ABI2: variants seen among roughly 807,000 people sequenced by gnomAD.
The protein encoded by ABI2 is abl interactor 2, also known as abelson interactor 2.
Under a neutral mutation model 59.2 loss-of-function variants are expected in ABI2, and 25 were observed. The observed-to-expected ratio is 0.42, with a 90% CI of 0.31 to 0.59. The LOEUF (loss-of-function observed/expected upper bound fraction) is 0.59. Ranked by LOEUF, ABI2 falls within the 20% of genes least tolerant of loss-of-function variation. The pLI, the probability that ABI2 is intolerant of heterozygous loss-of-function variation, is 0.14. For missense variants in ABI2, 545 were observed against 681.8 expected (o/e 0.80, Z 2.23); for synonymous variants, 213 against 235.5 (o/e 0.90, Z 0.87).
chr2:203,391,185 T>C (rs759150569), intron 5 of ABI2, 42 bp downstream of exon 5: 2 of 1,374,736 alleles, frequency 1.5e-6, no homozygotes, highest in Non-Finnish European at 2.0e-6. Flanking sequence ...TCATGTAGTA[T>C]TGTTTAAAAA....
chr2:203,348,312 C>T (rs1307532917), intron 1 of ABI2, among the ~76,000 whole-genome samples: 1 of 152,006 alleles, frequency 6.6e-6, no homozygotes, highest in Non-Finnish European at 1.5e-5. Flanking sequence ...TTGTTTATTC[C>T]TAGGGAGTAA....
At chr2:203,354,393 T>C (rs2090750351) in intron 1 of ABI2, among the ~76,000 whole-genome samples, 1 of 152,222 alleles carries the variant, frequency 6.6e-6, no homozygotes, top group South Asian at 2.1e-4. Context: ...TAATTCATTT[T>C]TTTGACTTGC....
chr2:203,331,872 C>T (rs989693184), intron 1 of ABI2, among the ~76,000 whole-genome samples: 2 of 147,790 alleles, frequency 1.4e-5, no homozygotes, highest in Non-Finnish European at 3.0e-5. Context: ...TGCAGTGGCG[C>T]GATCTCAGCT....
intron 11 of ABI2, among the ~76,000 whole-genome samples, chr2:203,419,528 C>T (rs2098099447): frequency 6.6e-6 from 1 of 151,774 alleles, no homozygotes; most frequent in Non-Finnish European, 1.5e-5. Flanking sequence ...GCCACCATGC[C>T]TGGGTAATTT....
intron 5 of ABI2, 115 bp downstream of exon 5, chr2:203,391,258 ATTG>A (rs1451227371): frequency 1.3e-5 from 9 of 715,372 alleles, no homozygotes; most frequent in African/African-American, 1.9e-5. Flanking sequence ...TCTTTGTAGG[ATTG>A]TTGTTTGTGT....
At chr2:203,420,733 C>G (rs1010052387) in intron 11 of ABI2, among the ~76,000 whole-genome samples, 2 of 152,144 alleles carry the variant, frequency 1.3e-5, no homozygotes, top group Non-Finnish European at 2.9e-5. Context: ...CTCTAAAAGT[C>G]AGCATGGATG....
chr2:203,330,336 T>C (rs2072272328), intron 1 of ABI2, among the ~76,000 whole-genome samples: 2 of 143,006 alleles, frequency 1.4e-5, no homozygotes, highest in South Asian at 4.4e-4. Context: ...CTGATACAAG[T>C]GGGGTAGAAA....
At chr2:203,365,527 T>C (rs190799382) in intron 1 of ABI2, among the ~76,000 whole-genome samples, 13 of 152,048 alleles carry the variant, frequency 8.5e-5, no homozygotes, top group Non-Finnish European at 1.5e-5. Flanking sequence ...CCTTGAGGTG[T>C]TGGTATTTTT....
At chr2:203,347,758 G>A (rs1297396954) in intron 1 of ABI2, among the ~76,000 whole-genome samples, 8 of 152,188 alleles carry the variant, frequency 5.3e-5, no homozygotes, top group Non-Finnish European at 1.2e-4. Context: ...GAAATTGTAG[G>A]TGCTTGTTTA....
At chr2:203,397,090 T>G in intron 8 of ABI2, 123 bp downstream of exon 8, 1 of 1,226,118 alleles carries the variant, frequency 8.2e-7, no homozygotes. Flanking sequence ...ATAAGAATAA[T>G]GTACTAACCA....
At chr2:203,384,314 T>TG (rs1559289737) in intron 4 of ABI2, among the ~76,000 whole-genome samples, 60 of 143,578 alleles carry the variant, frequency 4.2e-4, no homozygotes, top group African/African-American at 1.5e-3. Flanking sequence ...TTTTTTTTTT[T>TG]TTTTTTTTTT....
chr2:203,345,374 A>G lies in ABI2; in HGVS notation c.117+16743A>G, dbSNP rs1428969911. 8.5e-5 allele frequency among the ~76,000 whole-genome samples: 13 copies of G among 152,220 alleles called. No individual in the cohort carries two copies. The East Asian group carries it at 1.7e-3, about 20-fold the overall frequency. On this transcript the variant is annotated intron_variant, in intron 1 of 11. Transcript: ENST00000261018. ...ATCTGAAGGAACAAACTCCGGACAC[A>G]CCATCTTTAAGAACTGTAACATTCA...
chr2:203,390,886 T>C (rs1304285198), intron 4 of ABI2, among the ~76,000 whole-genome samples, 160 bp from the exon 5 acceptor site: 1 of 152,156 alleles, frequency 6.6e-6, no homozygotes, highest in African/African-American at 2.4e-5. Flanking sequence ...AACTGTAGAG[T>C]AATAGTAGAG....
intron 2 of ABI2, among the ~76,000 whole-genome samples, chr2:203,378,313 G>T (rs10221588): frequency 0.24 from 37,017 of 151,682 alleles, 4,725 homozygotes; most frequent in African/African-American, 0.31. Context: ...GGGTTTCACC[G>T]TGTTAGCCAG....
intron 1 of ABI2, among the ~76,000 whole-genome samples, chr2:203,330,508 C>A (rs1239489728): frequency 6.6e-6 from 1 of 151,618 alleles, no homozygotes; most frequent in African/African-American, 2.4e-5. Flanking sequence ...AGAGGCTGAT[C>A]TTGGAGGAAA....
At chr2:203,408,593 T>A (rs1296950681) in intron 9 of ABI2, among the ~76,000 whole-genome samples, 1 of 151,734 alleles carries the variant, frequency 6.6e-6, no homozygotes, top group Non-Finnish European at 1.5e-5. Flanking sequence ...GTTAAGCACC[T>A]AATCATTCTT....
chr2:203,410,293 A>T (rs1029447450), intron 9 of ABI2, among the ~76,000 whole-genome samples: 1 of 152,154 alleles, frequency 6.6e-6, no homozygotes, highest in Non-Finnish European at 1.5e-5. Context: ...TCATCTTTTT[A>T]GTTTTATTAG....
chr2:203,360,184 C>CAAAAAAA (rs58857922), intron 1 of ABI2, among the ~76,000 whole-genome samples: 2 of 70,904 alleles, frequency 2.8e-5, no homozygotes, highest in Non-Finnish European at 2.7e-5. Flanking sequence ...GACTCCATCT[C>CAAAAAAA]AAAAAAAAAA....
Position 203,351,942 on chromosome 2 carries a change from A to G in ABI2, c.118-14935A>G, listed in dbSNP as rs573912755. Among the ~76,000 whole-genome samples, 54 of 152,318 alleles carry G rather than the reference A, an allele frequency of 3.5e-4. No individual in the cohort carries two copies. In the South Asian group the frequency reaches 9.1e-3, roughly 26 times the overall value. On this transcript the variant is annotated intron_variant, in intron 1 of 11. Coordinates refer to ENST00000261018, the MANE Select transcript of ABI2 (RefSeq NM_001375670.1). ...GTCCCATAAGATTATAACAGCTGAA[A>G]AATTCCTAACACCTAGTGACATGGT...
Sources: gnomAD v4.1 joint callset for allele counts (sites outside exome capture counted in the v4.1 genomes callset) on GRCh38, gnomAD v4.1.1 for gene constraint, MANE v1.5 for transcripts, NCBI Gene and HGNC (gene_info 2026-07-23, HGNC 2026-07-21) for gene names.